Variants in STARD13 observed in about 807,000 individuals in gnomAD.
STARD13 encodes the protein StAR related lipid transfer domain containing 13.
A neutral mutation model predicts 106.4 loss-of-function variants in STARD13; 62 were observed. The observed-to-expected ratio is 0.58, with a 90% confidence interval of 0.48 to 0.72. The LOEUF is 0.72. Ranked by LOEUF, STARD13 falls within the 30% of genes least tolerant of loss-of-function variation. The pLI, the probability that STARD13 is intolerant of heterozygous loss-of-function variation, is 0.00. For synonymous variants in STARD13, 565 were observed against 553.0 expected (o/e 1.02, Z -0.31); for missense variants, 1,387 against 1,424.0 (o/e 0.97, Z 0.42).
the STARD13 span, among the ~76,000 whole-genome samples, chr13:33,398,931 C>G: frequency 6.6e-6 from 1 of 152,144 alleles, no homozygotes; most frequent in Non-Finnish European, 1.5e-5. Context: ...TATATCCATA[C>G]AAAGGCCTTC....
At chr13:33,357,758 C>T in the STARD13 span, among the ~76,000 whole-genome samples, 1 of 152,152 alleles carries the variant, frequency 6.6e-6, no homozygotes, top group Admixed American at 6.5e-5. Context: ...TATGAAACCC[C>T]ATCTCTACTA....
chr13:33,458,238 T>C, the STARD13 span, among the ~76,000 whole-genome samples: 2 of 151,904 alleles, frequency 1.3e-5, no homozygotes, highest in Admixed American at 1.3e-4. Context: ...TCACTTAAAG[T>C]TGAAATATAT....
At chr13:33,298,722 C>G (rs1892598344) in intron 1 of STARD13, among the ~76,000 whole-genome samples, 1 of 152,080 alleles carries the variant, frequency 6.6e-6, no homozygotes, top group African/African-American at 2.4e-5. Flanking sequence ...TTTGAGTCAA[C>G]TAGATCACAA....
intron 1 of STARD13, among the ~76,000 whole-genome samples, chr13:33,331,254 C>T (rs964361704): frequency 6.6e-6 from 1 of 152,136 alleles, no homozygotes; most frequent in African/African-American, 2.4e-5. Context: ...CTTCTCCTTC[C>T]AGTGTAATTT....
chr13:33,647,136 T>C, the STARD13 span, among the ~76,000 whole-genome samples: 1 of 152,218 alleles, frequency 6.6e-6, no homozygotes, highest in African/African-American at 2.4e-5. Context: ...TTAACTTTGA[T>C]GTCTACAGTT....
At chr13:33,472,986 T>C in the STARD13 span, among the ~76,000 whole-genome samples, 12 of 152,144 alleles carry the variant, frequency 7.9e-5, no homozygotes, top group African/African-American at 2.9e-4. Context: ...AGGAACTCTA[T>C]CAGGAGTAAT....
the STARD13 span, among the ~76,000 whole-genome samples, chr13:33,395,394 ATATATT>A: frequency 6.6e-6 from 1 of 152,144 alleles, no homozygotes; most frequent in East Asian, 1.9e-4. Flanking sequence ...TTTTGGGTGA[ATATATT>A]TATAATATTT....
chr13:33,115,299 T>A (rs968349381), intron 8 of STARD13, among the ~76,000 whole-genome samples: 4 of 152,224 alleles, frequency 2.6e-5, no homozygotes, highest in Non-Finnish European at 5.9e-5. Flanking sequence ...GTTTGGAAAC[T>A]TTGACTCTAG....
chr13:33,414,455 T>C, the STARD13 span, among the ~76,000 whole-genome samples: 702 of 152,230 alleles, frequency 4.6e-3, 9 homozygotes, highest in African/African-American at 0.015. Context: ...AGAATACTAT[T>C]CAGCTATAAA....
chr13:33,654,544 G>A, the STARD13 span: 1 of 152,128 alleles, frequency 6.6e-6, no homozygotes, highest in African/African-American at 2.4e-5. Context: ...ATTTGTTAGT[G>A]GTGGTGATTT....
the STARD13 span, among the ~76,000 whole-genome samples, chr13:33,563,968 G>C: frequency 6.8e-6 from 1 of 147,070 alleles, no homozygotes; most frequent in East Asian, 2.0e-4. Context: ...GAGGCAGGCA[G>C]ATCACCTGAG....
rs182056111 is a variant in STARD13 at position 33,147,509 on chromosome 13, C to A, written c.324-5136G>T. ...TCTCTGTCCAATCATTTGCTGATTA[C>A]TAAATTAACTGAGTAGATACTTCAG... is the stretch of plus-strand genomic sequence containing the variant. On this transcript the variant is annotated intron_variant, in intron 3 of 13. Coordinates refer to ENST00000336934, the MANE Select transcript of STARD13 (RefSeq NM_178006.4). Among the ~76,000 whole-genome samples the A allele has an allele frequency of 1.6e-4, 25 of 152,292 alleles. No homozygotes were observed. The East Asian group carries it at 4.6e-3, about 28-fold the overall frequency.
At chr13:33,566,771 C>T in the STARD13 span, among the ~76,000 whole-genome samples, 1 of 147,856 alleles carries the variant, frequency 6.8e-6, no homozygotes, top group Non-Finnish European at 1.5e-5. Context: ...GGGATCACTG[C>T]TCTCAGGTGC....
At chr13:33,452,348 G>A in the STARD13 span, among the ~76,000 whole-genome samples, 1 of 151,760 alleles carries the variant, frequency 6.6e-6, no homozygotes, top group Admixed American at 6.6e-5. Context: ...AGTTGTGGGG[G>A]TGGGTGTCAG....
the STARD13 span, among the ~76,000 whole-genome samples, chr13:33,486,573 T>A: frequency 6.6e-6 from 1 of 152,010 alleles, no homozygotes; most frequent in Non-Finnish European, 1.5e-5. Context: ...CTCTGGAGAG[T>A]GAAACCGCAG....
Position 33,112,830 on chromosome 13 carries a change from C to T in STARD13, c.2383G>A (p.Asp795Asn), listed in dbSNP as rs144923151. 29 of 1,613,882 alleles carry T rather than the reference C, an allele frequency of 1.8e-5. No homozygotes were observed. Among genetic ancestry groups the T allele is most frequent in the East Asian group, 1.6e-4 (7 of 44,886 alleles). ...TTCTCTTCCACCAAGTTGACGACGT[C>T]GTTCAGGAAACACAAGAGCGTCTGC... Reference protein sequence around the residue: ...VLQTLLCFLNDVVNLVEENQM... With the variant: ...VLQTLLCFLNNVVNLVEENQM... The change falls in exon 9 of 14, where the codon GAC becomes AAC. Residue 795 changes from aspartate (D) to asparagine (N), a missense_variant. By Grantham distance (23) the Asp-to-Asn change is conservative (BLOSUM62 1). Coordinates refer to ENST00000336934, the MANE Select transcript of STARD13 (RefSeq NM_178006.4).
At chr13:33,135,765 C>A (rs1435768068) in intron 4 of STARD13, among the ~76,000 whole-genome samples, 2 of 152,158 alleles carry the variant, frequency 1.3e-5, no homozygotes, top group East Asian at 3.9e-4. Context: ...CATTATTACC[C>A]ATGAGTAACA....
chr13:33,166,403 G>A (rs1320889850), intron 2 of STARD13, among the ~76,000 whole-genome samples: 2 of 152,066 alleles, frequency 1.3e-5, no homozygotes, highest in African/African-American at 4.8e-5. Flanking sequence ...CTGGGCTCTG[G>A]CACTCTCTTC....
the STARD13 span, among the ~76,000 whole-genome samples, chr13:33,585,653 C>T: frequency 1.4e-3 from 213 of 152,274 alleles, no homozygotes; most frequent in African/African-American, 4.8e-3. Flanking sequence ...GAGATTGCAC[C>T]ACTGTGCTCT....
Sources: allele counts gnomAD v4.1 joint callset (sites outside exome capture counted in the v4.1 genomes callset), GRCh38; gene constraint gnomAD v4.1.1; transcripts MANE v1.5; gene names NCBI Gene and HGNC (gene_info 2026-07-23, HGNC 2026-07-21).